Variants in USH2A observed in about 807,000 individuals in gnomAD.
USH2A encodes usherin.
A neutral mutation model predicts 538.9 loss-of-function variants in USH2A; 443 were observed. The ratio of observed to expected loss-of-function variants is 0.82; its 90% CI spans 0.76 to 0.89. USH2A has a LOEUF of 0.89. Among genes scored for constraint, USH2A ranks in the 40% least tolerant of loss-of-function variants. USH2A has a pLI of 0.00. For missense variants in USH2A, 6,633 were observed against 6,324.8 expected, an observed-to-expected ratio of 1.05 and a Z score of -1.65; for synonymous variants, 2,413 against 2,273.5, an observed-to-expected ratio of 1.06 and a Z score of -1.75.
At chr1:216,236,138 C>A (rs1572078153) in intron 13 of USH2A, among the ~76,000 whole-genome samples, 1 of 151,858 alleles carries the variant, frequency 6.6e-6, no homozygotes, top group Non-Finnish European at 1.5e-5. Flanking sequence ...GGTATAATTT[C>A]TCTTTTTTAA....
chr1:215,692,463 ATATG>A (rs1392164038), intron 61 of USH2A, among the ~76,000 whole-genome samples: 2 of 144,784 alleles, frequency 1.4e-5, no homozygotes, highest in African/African-American at 2.5e-5. Context: ...ATATATATAT[ATATG>A]AATTAGAACT....
At chr1:215,646,020 G>A (rs374899065) in intron 67 of USH2A, among the ~76,000 whole-genome samples, 2 of 151,758 alleles carry the variant, frequency 1.3e-5, no homozygotes, top group African/African-American at 4.8e-5. Context: ...CACGGGAAAT[G>A]CAAATACAAT....
chr1:215,630,719 G>C (rs1272801786), intron 70 of USH2A, among the ~76,000 whole-genome samples: 1 of 151,460 alleles, frequency 6.6e-6, no homozygotes, highest in Non-Finnish European at 1.5e-5. Context: ...CAGGCATGGT[G>C]GCGGGCGCCT....
chr1:215,994,047 A>G (rs1225780565), intron 34 of USH2A, among the ~76,000 whole-genome samples: 2 of 152,222 alleles, frequency 1.3e-5, no homozygotes, highest in Non-Finnish European at 1.5e-5. Flanking sequence ...ATATCCTTAT[A>G]TAACAATGAT....
At chr1:216,131,867 G>A (rs1457168809) in intron 21 of USH2A, among the ~76,000 whole-genome samples, 1 of 151,824 alleles carries the variant, frequency 6.6e-6, no homozygotes, top group Non-Finnish European at 1.5e-5. Context: ...TTTATGTGAG[G>A]CACTCTTCTA....
At position 215,798,925 on chromosome 1, in the gene USH2A, C is replaced by T. The variant is rs1571697397; in HGVS notation, c.9940G>A (p.Val3314Met). Residue 3314 changes from valine to methionine, a missense_variant, in exon 50 of 72, where the codon GTG becomes ATG. By Grantham distance (21) the Val-to-Met change is conservative. Coordinates refer to ENST00000307340, the MANE Select transcript of USH2A (RefSeq NM_206933.4). ...CCCTTACCTGGAAGGCGATTGTACACCACTCCTTCTTCTCCACCACAACAC... is the reference window on the plus strand; with the variant it reads ...CCCTTACCTGGAAGGCGATTGTACATCACTCCTTCTTCTCCACCACAACAC... The part of the protein sequence containing the change: ...LECCGGEEGV[V>M]YNRLPGMFCC... The T allele has an allele frequency of 6.2e-7, 1 of 1,614,088 alleles. No individual in the cohort carries two copies. Among genetic ancestry groups the T allele is most frequent in the South Asian group, 1.1e-5 (1 of 91,080 alleles).
intron 64 of USH2A, among the ~76,000 whole-genome samples, chr1:215,667,283 A>G (rs1197265942): frequency 6.6e-6 from 1 of 152,162 alleles, no homozygotes; most frequent in Non-Finnish European, 1.5e-5. Flanking sequence ...CTCACCTTCA[A>G]AGGAGCTAGT....
intron 21 of USH2A, among the ~76,000 whole-genome samples, chr1:216,121,221 A>C (rs1003858636): frequency 7.7e-6 from 1 of 129,856 alleles, no homozygotes; most frequent in African/African-American, 2.6e-5. Flanking sequence ...ATGTAAGACT[A>C]ATAATATTAT....
intron 69 of USH2A, among the ~76,000 whole-genome samples, chr1:215,635,999 T>C (rs542923537): frequency 6.6e-6 from 1 of 152,194 alleles, no homozygotes; most frequent in East Asian, 1.9e-4. Flanking sequence ...GCCAGAGATC[T>C]GCTCCCATCC....
At chr1:216,366,110 C>A (rs530587541) in intron 3 of USH2A, among the ~76,000 whole-genome samples, 1 of 151,892 alleles carries the variant, frequency 6.6e-6, no homozygotes, top group South Asian at 2.1e-4. Context: ...GTGCTTTTAG[C>A]TTAAATGAAA....
At chr1:216,301,587 C>T (rs763139475) in intron 9 of USH2A, among the ~76,000 whole-genome samples, 1 of 152,106 alleles carries the variant, frequency 6.6e-6, no homozygotes, top group African/African-American at 2.4e-5. Flanking sequence ...AACTGGACAG[C>T]AAAGCCCTAG....
chr1:216,386,488 A>C lies in USH2A; in HGVS notation c.652-21403T>G, dbSNP rs536939587. ...GCGACAGAGCGAGACTCGTCTCAAA[A>C]AAACAAACAAACAAACAAACAAACA... On this transcript the variant is annotated intron_variant, in intron 3 of 71. Transcript: ENST00000307340. 9.8e-4 allele frequency among the ~76,000 whole-genome samples: 132 copies of C among 134,966 alleles called. 1 individual carries two copies. Among genetic ancestry groups the C allele is most frequent in the African/African-American group, 3.8e-3 (132 of 34,814 alleles). The allele number at this position is 134,966 out of a possible 152,430, so 88.5% of individuals were successfully genotyped here. A position where few individuals can be genotyped will look rare whatever the true frequency, so the allele number is the denominator to read the frequency against.
intron 4 of USH2A, among the ~76,000 whole-genome samples, chr1:216,359,043 T>G (rs1246408636): frequency 1.3e-5 from 2 of 152,172 alleles, no homozygotes; most frequent in East Asian, 3.8e-4. Flanking sequence ...GCTCACAAGA[T>G]TTAATGTGTT....
chr1:216,280,673 C>T (rs998477700), intron 11 of USH2A, among the ~76,000 whole-genome samples: 2 of 150,068 alleles, frequency 1.3e-5, no homozygotes, highest in Non-Finnish European at 3.0e-5. Context: ...TTATGCCCCT[C>T]TCAAGATTTT....
At chr1:216,376,310 CAAAT>C (rs2038819999) in intron 3 of USH2A, among the ~76,000 whole-genome samples, 1 of 152,048 alleles carries the variant, frequency 6.6e-6, no homozygotes, top group Non-Finnish European at 1.5e-5. Context: ...TAATCTTTAT[CAAAT>C]GAATGAAGCT....
intron 32 of USH2A, among the ~76,000 whole-genome samples, chr1:216,028,401 T>A (rs1025599412): frequency 2.0e-5 from 3 of 151,088 alleles, no homozygotes; most frequent in Non-Finnish European, 2.9e-5. Context: ...AATAAATGAA[T>A]AAATAAATAA....
intron 14 of USH2A, among the ~76,000 whole-genome samples, chr1:216,227,705 C>A (rs1336368839): frequency 6.6e-6 from 1 of 152,136 alleles, no homozygotes; most frequent in Non-Finnish European, 1.5e-5. Context: ...TCTGGAGATA[C>A]ATATATCTGG....
Position 216,292,321 on chromosome 1 carries a change from T to C in USH2A, c.1694A>G (p.Asp565Gly), listed in dbSNP as rs1345330437. Residue 565 changes from aspartate to glycine, a missense_variant, in exon 10 of 72, where the codon GAT (aspartate) becomes GGT (glycine). Transcript: ENST00000307340. ...TTTACAATTGAAAGCGTAAACTTGA[T>C]CACCTTGGCGGAAAGGCTTGTCATT... ...LYNDKPFRQG[D>G]QVYAFNCKPC... The C allele has an allele frequency of 6.2e-7, 1 of 1,613,958 alleles. No individual in the cohort carries two copies. Among genetic ancestry groups the C allele is most frequent in the African/African-American group, 1.3e-5 (1 of 74,924 alleles).
At chr1:216,001,539 A>G (rs1668266008) in intron 32 of USH2A, among the ~76,000 whole-genome samples, 1 of 152,218 alleles carries the variant, frequency 6.6e-6, no homozygotes, top group Admixed American at 6.5e-5. Flanking sequence ...ATCTAACCAA[A>G]GTTCAGTCAG....
Sources: allele counts gnomAD v4.1 joint callset (sites outside exome capture counted in the v4.1 genomes callset), GRCh38; gene constraint gnomAD v4.1.1; transcripts MANE v1.5; gene names NCBI Gene and HGNC (gene_info 2026-07-23, HGNC 2026-07-21).